The following PRKG1 variants were observed in gnomAD, a reference collection of about 807,000 sequenced individuals.
The protein encoded by PRKG1 is protein kinase cGMP-dependent 1, also known as cGMP-dependent protein kinase 1.
PRKG1 carries 35 observed loss-of-function variants against 88.1 expected under a neutral mutation model. That is an observed-to-expected ratio of 0.40 (90% confidence interval 0.30 to 0.53). PRKG1 has a LOEUF of 0.53. Ranked by LOEUF, PRKG1 falls within the 20% of genes least tolerant of loss-of-function variation. The pLI is 0.59. For synonymous variants in PRKG1, 303 were observed against 292.5 expected (o/e 1.04, Z -0.37); for missense variants, 540 against 839.8 (o/e 0.64, Z 4.41).
chr10:51,411,032 T>A (rs1838072299), intron 2 of PRKG1, among the ~76,000 whole-genome samples: 1 of 152,104 alleles, frequency 6.6e-6, no homozygotes, highest in African/African-American at 2.4e-5. Flanking sequence ...TCTCTCTCTG[T>A]CACCCAGGCT....
chr10:51,740,807 C>T (rs367551626), intron 3 of PRKG1, among the ~76,000 whole-genome samples: 246 of 152,186 alleles, frequency 1.6e-3, no homozygotes, highest in African/African-American at 5.6e-3. Flanking sequence ...AAATTCTACA[C>T]AGCTATCTCC....
intron 3 of PRKG1, among the ~76,000 whole-genome samples, chr10:51,741,782 T>C (rs1431741325): frequency 6.6e-6 from 1 of 152,194 alleles, no homozygotes. Context: ...GTTCTTCGCA[T>C]TTACCTGTAA....
At chr10:51,919,255 G>C (rs1842410636) in intron 5 of PRKG1, among the ~76,000 whole-genome samples, 1 of 152,148 alleles carries the variant, frequency 6.6e-6, no homozygotes, top group Admixed American at 6.6e-5. Context: ...CAGTATTTTA[G>C]TAATGAGCAT....
At chr10:51,810,110 A>G (rs1839416955) in intron 4 of PRKG1, among the ~76,000 whole-genome samples, 1 of 152,122 alleles carries the variant, frequency 6.6e-6, no homozygotes, top group African/African-American at 2.4e-5. Context: ...ACTCTTATAA[A>G]TGTCTGATTT....
At chr10:51,839,666 A>G (rs1171253777) in intron 4 of PRKG1, among the ~76,000 whole-genome samples, 1 of 152,164 alleles carries the variant, frequency 6.6e-6, no homozygotes, top group Non-Finnish European at 1.5e-5. Context: ...CGATAATCGT[A>G]GTGGTTTACT....
intron 2 of PRKG1, among the ~76,000 whole-genome samples, chr10:51,371,070 C>A (rs776471443): frequency 2.0e-5 from 3 of 152,070 alleles, no homozygotes; most frequent in Non-Finnish European, 4.4e-5. Context: ...CTGCAGTGGC[C>A]TTTGCCTCCC....
intron 3 of PRKG1, among the ~76,000 whole-genome samples, chr10:51,501,522 C>T (rs1841023311): frequency 6.6e-6 from 1 of 152,102 alleles, no homozygotes; most frequent in South Asian, 2.1e-4. Context: ...GCTATGCTGA[C>T]ATCCAAGCTC....
chr10:51,258,721 A>G (rs1229356161), intron 2 of PRKG1, among the ~76,000 whole-genome samples: 5 of 152,348 alleles, frequency 3.3e-5, no homozygotes, highest in Admixed American at 3.3e-4. Context: ...CATTACTGGC[A>G]TATAGTAAGT....
chr10:51,852,910 C>T (rs992585371), intron 4 of PRKG1, among the ~76,000 whole-genome samples: 6 of 152,064 alleles, frequency 3.9e-5, no homozygotes, highest in Admixed American at 1.3e-4. Flanking sequence ...AAATAGTTTA[C>T]GATTTTATCA....
At chr10:51,487,264 T>G (rs1840575500) in intron 3 of PRKG1, among the ~76,000 whole-genome samples, 1 of 152,204 alleles carries the variant, frequency 6.6e-6, no homozygotes, top group South Asian at 2.1e-4. Context: ...GTTTAAAATA[T>G]GAATATTAAT....
intron 3 of PRKG1, among the ~76,000 whole-genome samples, chr10:51,690,989 T>G (rs1414058211): frequency 6.7e-6 from 1 of 149,914 alleles, no homozygotes; most frequent in Non-Finnish European, 1.5e-5. Context: ...CATATCTTCA[T>G]TCTAGAGCTG....
intron 5 of PRKG1, among the ~76,000 whole-genome samples, chr10:51,940,586 G>T (rs1842886147): frequency 6.6e-6 from 1 of 151,828 alleles, no homozygotes; most frequent in Non-Finnish European, 1.5e-5. Context: ...GTCAGCCAGG[G>T]ATATTTTTCA....
At chr10:51,697,528 T>TA (rs139403403) in intron 3 of PRKG1, 1,778 of 596,978 alleles carry the variant, frequency 3.0e-3, no homozygotes, top group Non-Finnish European at 3.7e-3. Flanking sequence ...CACCCTCAAT[T>TA]AAAAAAAAAA....
intron 8 of PRKG1, among the ~76,000 whole-genome samples, chr10:52,138,573 C>A: frequency 6.6e-6 from 1 of 152,154 alleles, no homozygotes; most frequent in South Asian, 2.1e-4. Context: ...ATGATTTATA[C>A]AGCACACATG....
chr10:51,151,815 A>G (rs527380028), intron 1 of PRKG1, among the ~76,000 whole-genome samples: 2 of 152,124 alleles, frequency 1.3e-5, no homozygotes, highest in Admixed American at 6.6e-5. Flanking sequence ...ACAAAACATA[A>G]TGGTGAAGGC....
chr10:51,848,633 C>CTGTGTGTGTG (rs35222566), intron 4 of PRKG1, among the ~76,000 whole-genome samples: 14 of 145,102 alleles, frequency 9.6e-5, no homozygotes, highest in African/African-American at 3.5e-4. Context: ...GTGTCTGTAT[C>CTGTGTGTGTG]TGTGTGTGTG....
chr10:51,856,129 G>A (rs1840673118), intron 4 of PRKG1, among the ~76,000 whole-genome samples: 2 of 151,960 alleles, frequency 1.3e-5, no homozygotes, highest in East Asian at 1.9e-4. Flanking sequence ...GACAATTATG[G>A]GGTCATTGCT....
At chr10:51,684,248 T>C (rs565608012) in intron 3 of PRKG1, among the ~76,000 whole-genome samples, 7 of 152,292 alleles carry the variant, frequency 4.6e-5, no homozygotes, top group African/African-American at 1.7e-4. Context: ...CTGAAGACCA[T>C]ACGTTGTATG....
At chr10:51,017,206 C>T (rs1843078648) in intron 1 of PRKG1, among the ~76,000 whole-genome samples, 1 of 152,084 alleles carries the variant, frequency 6.6e-6, no homozygotes. Flanking sequence ...TTATGTGCTC[C>T]TGTAGCACCC....
Sources: gnomAD v4.1 joint callset for allele counts (sites outside exome capture counted in the v4.1 genomes callset) on GRCh38, gnomAD v4.1.1 for gene constraint, MANE v1.5 for transcripts, NCBI Gene and HGNC (gene_info 2026-07-23, HGNC 2026-07-21) for gene names.